PCSK5: variants seen among roughly 807,000 people sequenced by gnomAD.
The protein encoded by PCSK5 is proprotein convertase subtilisin/kexin type 5, also known as prohormone convertase 5.
A neutral mutation model predicts 233.2 loss-of-function variants in PCSK5; 129 were observed. The observed-to-expected ratio is 0.55, with a 90% CI of 0.48 to 0.64. The LOEUF (loss-of-function observed/expected upper bound fraction) is 0.64. Ranked by LOEUF, PCSK5 falls within the 30% of genes least tolerant of loss-of-function variation. PCSK5 has a pLI of 0.00. For synonymous variants in PCSK5, 825 were observed against 879.2 expected (o/e 0.94, Z 1.09); for missense variants, 2,076 against 2,430.1 (o/e 0.85, Z 3.06).
intron 3 of PCSK5, among the ~76,000 whole-genome samples, chr9:76,014,615 C>T (rs1391902278): frequency 1.3e-5 from 2 of 152,186 alleles, no homozygotes; most frequent in Admixed American, 6.5e-5. Flanking sequence ...CTGAGCTCCT[C>T]CTGACAGCAG....
chr9:75,904,279 T>C (rs1463255227), intron 1 of PCSK5, among the ~76,000 whole-genome samples: 1 of 152,192 alleles, frequency 6.6e-6, no homozygotes, highest in Non-Finnish European at 1.5e-5. Context: ...TCCTTTGTCA[T>C]AAAAGATTAA....
chr9:76,005,079 A>G (rs1386360555), intron 3 of PCSK5, among the ~76,000 whole-genome samples: 1 of 152,138 alleles, frequency 6.6e-6, no homozygotes, highest in South Asian at 2.1e-4. Context: ...CCTTCCTTTC[A>G]CAGTGAGAAT....
chr9:75,907,504 T>C (rs1164852933), intron 1 of PCSK5, among the ~76,000 whole-genome samples: 3 of 152,194 alleles, frequency 2.0e-5, no homozygotes, highest in Non-Finnish European at 2.9e-5. Flanking sequence ...CTAGCCCTTA[T>C]CTTTTAGTGT....
At chr9:76,205,616 T>C (rs1356064176) in intron 20 of PCSK5, among the ~76,000 whole-genome samples, 1 of 152,208 alleles carries the variant, frequency 6.6e-6, no homozygotes, top group Non-Finnish European at 1.5e-5. Context: ...ATGTCTAACA[T>C]TGAGAATTCC....
rs140303801 is a variant in PCSK5 at position 76,205,238 on chromosome 9, C to T, written c.2626+15492C>T. 166 of 518,930 alleles carry T rather than the reference C, an allele frequency of 3.2e-4. 1 individual carries two copies. The highest frequency in any genetic ancestry group is 2.3e-3 in the African/African-American group (122 of 52,066). The allele number at this position is 518,930 out of a possible 1,614,324, so 32.1% of individuals were successfully genotyped here. On this transcript the variant is annotated intron_variant, in intron 20 of 37. Transcript: ENST00000674117. ...TTTCCGTATTCAACCCTCCACCTCC[C>T]GCTTCCAGCTCTGTAGGTGTAAAAC...
At position 76,249,801 on chromosome 9, in the gene PCSK5, A is replaced by C. The variant is rs60295900; in HGVS notation, c.3142+9117A>C. On this transcript the variant is annotated intron_variant, in intron 24 of 37. Transcript: ENST00000674117. ...AATGATGGAAATATGTCAAAGGGAC[A>C]CAAGAGCCAACTGAAGAGCTCTCAC... is the stretch of plus-strand genomic sequence containing the variant. Among the ~76,000 whole-genome samples the C allele has an allele frequency of 3.8e-3, 583 of 152,336 alleles. 5 individuals carry two copies. The highest frequency in any genetic ancestry group is 0.012 in the African/African-American group (518 of 41,572).
chr9:76,265,900 T>C (rs1186100506), intron 24 of PCSK5, among the ~76,000 whole-genome samples: 3 of 152,166 alleles, frequency 2.0e-5, no homozygotes, highest in Non-Finnish European at 2.9e-5. Flanking sequence ...TATTTTCAAA[T>C]AAAGAGTTTT....
chr9:76,320,050 C>G (rs1007555886), intron 30 of PCSK5, among the ~76,000 whole-genome samples: 1 of 152,134 alleles, frequency 6.6e-6, no homozygotes, highest in Non-Finnish European at 1.5e-5. Context: ...CGATAAATAT[C>G]GGCGTGCCCA....
chr9:75,933,381 G>A (rs1340024963), intron 2 of PCSK5, among the ~76,000 whole-genome samples: 1 of 152,098 alleles, frequency 6.6e-6, no homozygotes, highest in Non-Finnish European at 1.5e-5. Context: ...TGATTGTAGG[G>A]TGTTCTTGCT....
At chr9:76,010,029 G>A (rs965613477) in intron 3 of PCSK5, among the ~76,000 whole-genome samples, 4 of 152,166 alleles carry the variant, frequency 2.6e-5, no homozygotes, top group East Asian at 1.9e-4. Flanking sequence ...AACAACTACC[G>A]ATGAAGTTGA....
chr9:76,150,086 G>A (rs151062740), intron 10 of PCSK5, among the ~76,000 whole-genome samples: 1,526 of 152,262 alleles, frequency 0.01, 22 homozygotes, highest in African/African-American at 0.034. Context: ...TACATAGTGC[G>A]TGGAGAAGAG....
chr9:76,324,266 T>C (rs1829296318), intron 32 of PCSK5, among the ~76,000 whole-genome samples: 1 of 152,010 alleles, frequency 6.6e-6, no homozygotes. Context: ...AGTCTCACTC[T>C]GTTGCCCAGG....
intron 24 of PCSK5, among the ~76,000 whole-genome samples, chr9:76,284,517 C>CT (rs1827993476): frequency 8.9e-6 from 1 of 112,734 alleles, no homozygotes; most frequent in Non-Finnish European, 1.9e-5. Context: ...TCCATTAAAC[C>CT]CTTTTTTTTT....
intron 13 of PCSK5, among the ~76,000 whole-genome samples, chr9:76,171,070 C>T (rs1823312673): frequency 6.6e-6 from 1 of 152,110 alleles, no homozygotes; most frequent in Non-Finnish European, 1.5e-5. Flanking sequence ...AGAATGCAGC[C>T]TGAATATAGT....
chr9:76,114,818 T>C (rs1832359732), intron 9 of PCSK5, among the ~76,000 whole-genome samples: 2 of 152,164 alleles, frequency 1.3e-5, no homozygotes, highest in African/African-American at 2.4e-5. Flanking sequence ...CTTGTATAGC[T>C]GATCAAGTAT....
At chr9:76,191,507 A>G (rs1824375401) in intron 20 of PCSK5, among the ~76,000 whole-genome samples, 1 of 152,166 alleles carries the variant, frequency 6.6e-6, no homozygotes, top group Non-Finnish European at 1.5e-5. Flanking sequence ...GAATCTCAAA[A>G]AGGTGTCAGA....
chr9:76,337,995 G>T (rs1435237648), intron 34 of PCSK5, among the ~76,000 whole-genome samples: 1 of 152,110 alleles, frequency 6.6e-6, no homozygotes, highest in Non-Finnish European at 1.5e-5. Flanking sequence ...TTTCATATGT[G>T]TTAGTTACCC....
At chr9:75,959,861 C>G (rs1672491179) in intron 2 of PCSK5, among the ~76,000 whole-genome samples, 2 of 152,216 alleles carry the variant, frequency 1.3e-5, no homozygotes, top group African/African-American at 2.4e-5. Flanking sequence ...GTATGGTAAG[C>G]TTTATGGTAA....
rs192581537 is a variant in PCSK5 at position 75,909,603 on chromosome 9, G to A, written c.192+18230G>A. Among the ~76,000 whole-genome samples, 4 of 152,280 alleles carry A rather than the reference G, an allele frequency of 2.6e-5. No homozygotes were observed. In the East Asian group the frequency reaches 7.7e-4, roughly 29 times the overall value. ...CCAGCTACTTGGGAGGCTGAGGCAG[G>A]AGAATTGCTTGAACCTGGGAGGCAG... On this transcript the variant is annotated intron_variant, in intron 1 of 37. Transcript: ENST00000674117.
Sources: gnomAD v4.1 joint callset for allele counts (sites outside exome capture counted in the v4.1 genomes callset) on GRCh38, gnomAD v4.1.1 for gene constraint, MANE v1.5 for transcripts, NCBI Gene and HGNC (gene_info 2026-07-23, HGNC 2026-07-21) for gene names.